Variants in HSD17B4 observed in about 807,000 individuals in gnomAD.
HSD17B4 encodes hydroxysteroid 17-beta dehydrogenase 4.
In HSD17B4, 70 loss-of-function variants were observed where a neutral mutation model predicts 101.0. The ratio of observed to expected loss-of-function variants is 0.69; its 90% CI spans 0.57 to 0.85. The LOEUF is 0.85. Among genes scored for constraint, HSD17B4 ranks in the 40% least tolerant of loss-of-function variants. The pLI is 0.00. For missense variants in HSD17B4, 984 were observed against 892.4 expected, an observed-to-expected ratio of 1.10 and a Z score of -1.31; for synonymous variants, 347 against 297.1, an observed-to-expected ratio of 1.17 and a Z score of -1.73.
intron 8 of HSD17B4, among the ~76,000 whole-genome samples, chr5:119,488,022 C>T (rs1224595760): frequency 2.0e-5 from 3 of 152,094 alleles, no homozygotes; most frequent in African/African-American, 7.2e-5. Flanking sequence ...GGACTATATA[C>T]ACCATCTTTT....
At chr5:119,507,129 A>G (rs1751725009) in intron 15 of HSD17B4, among the ~76,000 whole-genome samples, 2 of 152,240 alleles carry the variant, frequency 1.3e-5, no homozygotes, top group African/African-American at 4.8e-5. Context: ...ACATAACCAA[A>G]GCACAAAGGT....
At chr5:119,519,535 GTTGGACCA>G (rs1304043431) in intron 17 of HSD17B4, among the ~76,000 whole-genome samples, 1 of 152,214 alleles carries the variant, frequency 6.6e-6, no homozygotes, top group Non-Finnish European at 1.5e-5. Flanking sequence ...ATGGATGCTA[GTTGGACCA>G]TCTGAGTCAC....
At chr5:119,503,972 A>G (rs560915100) in intron 14 of HSD17B4, among the ~76,000 whole-genome samples, 1 of 152,096 alleles carries the variant, frequency 6.6e-6, no homozygotes, top group South Asian at 2.1e-4. Context: ...TGTTGTTCCC[A>G]TCTTTATGTC....
At chr5:119,509,695 G>A (rs910269677) in intron 16 of HSD17B4, among the ~76,000 whole-genome samples, 16 of 152,214 alleles carry the variant, frequency 1.1e-4, no homozygotes, top group Middle Eastern at 3.4e-3. Context: ...ACTGCTGCAG[G>A]AGTCTTAGGG....
At chr5:119,517,299 G>A (rs1009604331) in intron 17 of HSD17B4, among the ~76,000 whole-genome samples, 1 of 152,194 alleles carries the variant, frequency 6.6e-6, no homozygotes, top group African/African-American at 2.4e-5. Context: ...CCAGCCCACC[G>A]GTGCTGTGCT....
At chr5:119,469,730 G>A (rs1027284612) in intron 2 of HSD17B4, among the ~76,000 whole-genome samples, 1 of 152,186 alleles carries the variant, frequency 6.6e-6, no homozygotes, top group African/African-American at 2.4e-5. Context: ...CCCCTTTTAT[G>A]AATTAACTTT....
chr5:119,486,475 A>T (rs1749619724), intron 8 of HSD17B4, among the ~76,000 whole-genome samples: 1 of 151,768 alleles, frequency 6.6e-6, no homozygotes, highest in African/African-American at 2.4e-5. Context: ...CTTACCTTTA[A>T]TTTTTTTTAA....
At chr5:119,500,254 G>A (rs927149729) in intron 13 of HSD17B4, among the ~76,000 whole-genome samples, 1 of 151,992 alleles carries the variant, frequency 6.6e-6, no homozygotes, top group African/African-American at 2.4e-5. Context: ...GGTTAGAAAA[G>A]AGGAGTCAAG....
intron 8 of HSD17B4, among the ~76,000 whole-genome samples, chr5:119,484,540 ACTGTGGCTTTTGGT>A (rs1749441163): frequency 1.3e-5 from 2 of 152,178 alleles, no homozygotes; most frequent in African/African-American, 4.8e-5. Flanking sequence ...ACTATGGAGA[ACTGTGGCTTTTGGT>A]ACTCTTGGTT....
intron 2 of HSD17B4, among the ~76,000 whole-genome samples, chr5:119,467,369 C>G (rs1245901169): frequency 3.9e-5 from 6 of 152,036 alleles, no homozygotes; most frequent in Admixed American, 3.9e-4. Flanking sequence ...GATGATCTGC[C>G]CAATGCCATG....
At chr5:119,454,274 TA>T in intron 1 of HSD17B4, among the ~76,000 whole-genome samples, 1 of 152,284 alleles carries the variant, frequency 6.6e-6, no homozygotes, top group Admixed American at 6.5e-5. Context: ...ATAAACTGGT[TA>T]AATTCTCTCT....
chr5:119,528,360 T>C (rs1373304623), intron 20 of HSD17B4, among the ~76,000 whole-genome samples: 2 of 152,162 alleles, frequency 1.3e-5, no homozygotes, highest in African/African-American at 4.8e-5. Flanking sequence ...CTAATTCCTT[T>C]CTGCTGGTTG....
chr5:119,479,177 A>C (rs1477253131), intron 8 of HSD17B4, among the ~76,000 whole-genome samples, 156 bp downstream of exon 8: 1 of 152,202 alleles, frequency 6.6e-6, no homozygotes, highest in Non-Finnish European at 1.5e-5. Flanking sequence ...TGGAAAATTT[A>C]GAAAAGCACA....
chr5:119,500,562 A>G (rs942394984), intron 13 of HSD17B4, among the ~76,000 whole-genome samples: 4 of 152,126 alleles, frequency 2.6e-5, no homozygotes, highest in African/African-American at 7.2e-5. Context: ...ACAGTTGAAT[A>G]TATGAGTCTA....
chr5:119,527,321 T>C (rs1753695128), intron 20 of HSD17B4, 102 bp downstream of exon 20: 2 of 679,352 alleles, frequency 2.9e-6, no homozygotes, highest in Admixed American at 2.4e-5. Flanking sequence ...TCTTTTTAAG[T>C]AATGGTAAAT....
intron 20 of HSD17B4, among the ~76,000 whole-genome samples, chr5:119,528,803 GTCTTA>G (rs901329509): frequency 7.8e-4 from 118 of 152,150 alleles, no homozygotes; most frequent in African/African-American, 2.4e-3. Flanking sequence ...TAAGCATGCT[GTCTTA>G]TCTTTTCAGC....
At chr5:119,524,799 G>T (rs375718118) in intron 17 of HSD17B4, among the ~76,000 whole-genome samples, 1 of 152,086 alleles carries the variant, frequency 6.6e-6, no homozygotes, top group East Asian at 1.9e-4. Context: ...ATGTTTCTAT[G>T]TCCGATATTG....
intron 16 of HSD17B4, among the ~76,000 whole-genome samples, chr5:119,513,533 G>A (rs776916106): frequency 5.3e-5 from 8 of 152,020 alleles, no homozygotes; most frequent in Non-Finnish European, 1.0e-4. Flanking sequence ...ACAGGTGCCC[G>A]CCACCACACC....
chr5:119,455,657 C>T (rs1346813656), intron 1 of HSD17B4, among the ~76,000 whole-genome samples: 2 of 151,164 alleles, frequency 1.3e-5, no homozygotes, highest in Non-Finnish European at 2.9e-5. Context: ...TATTTGATGA[C>T]TGTGTAGTCA....
Sources: allele counts gnomAD v4.1 joint callset (sites outside exome capture counted in the v4.1 genomes callset), GRCh38; gene constraint gnomAD v4.1.1; transcripts MANE v1.5; gene names NCBI Gene and HGNC (gene_info 2026-07-23, HGNC 2026-07-21).